Variants in SALL2 observed in about 807,000 individuals in gnomAD.
SALL2 encodes the protein sal-like protein 2.
SALL2 carries 32 observed loss-of-function variants against 58.5 expected under a neutral mutation model. The ratio of observed to expected loss-of-function variants is 0.55; its 90% CI spans 0.41 to 0.74. The LOEUF is 0.74. Among genes scored for constraint, SALL2 ranks in the 30% least tolerant of loss-of-function variants. The pLI is 0.00. For missense variants in SALL2, 1,201 were observed against 1,268.9 expected (o/e 0.95, Z 0.81); for synonymous variants, 516 against 513.6 (o/e 1.00, Z -0.06).
rs11621090 is a variant in SALL2, at chr14:21,523,146, C to T, written c.2576G>A (p.Gly859Glu). The change falls in exon 2 of 2, where the codon GGA becomes GAA. Residue 859 changes from glycine (G) to glutamate (E), a missense_variant. Transcript: ENST00000537235. This position sits in a 1 kb window ranked among gnomAD's most constrained non-coding sequence, Gnocchi z 4.4. ...CGGTTTGCCCCCCTCTTCCTTGCCT[C>T]CTAAAACACCACTGCTTCCCTGCTC... ...PMEQGSSGVLGGKEEGGKPER... is the reference protein window; with the variant it reads ...PMEQGSSGVLEGKEEGGKPER... 6.2e-7 allele frequency: 1 copy of T among 1,614,192 alleles called. No individual in the cohort carries two copies. The highest frequency in any genetic ancestry group is 1.7e-5 in the Admixed American group (1 of 60,022).
exon 1 of SALL2, chr14:21,537,058 TTCTTCTTTCCCAGAGACACAGACTC>T (rs2139688375): frequency 3.0e-6 from 2 of 675,878 alleles, no homozygotes; most frequent in South Asian, 3.5e-5. Flanking sequence ...AGCAGAGATG[TTCTTCTTTCCCAGAGACACAGACTC>T]TCTCTCTCTC....
chr14:21,533,944 G>A (rs1032638306), intron 1 of SALL2, among the ~76,000 whole-genome samples: 3 of 152,222 alleles, frequency 2.0e-5, no homozygotes, highest in Non-Finnish European at 2.9e-5. Flanking sequence ...GTACACCAAA[G>A]GATACATGTG....
upstream of SALL2, chr14:21,526,422 G>A (rs1892316904): frequency 1.5e-6 from 2 of 1,338,506 alleles, no homozygotes; most frequent in Non-Finnish European, 1.9e-6. Context: ...GGAGGCGGGA[G>A]AAGGGAGCGC....
At chr14:21,526,398 A>G (rs57808993), upstream of SALL2, 42 of 1,052,778 alleles carry the variant, frequency 4.0e-5, no homozygotes, top group South Asian at 3.5e-4. Flanking sequence ...CTGGGGAGGG[A>G]GGCGGGAGCT....
chr14:21,534,328 T>C (rs765047329), intron 1 of SALL2, among the ~76,000 whole-genome samples: 4 of 152,174 alleles, frequency 2.6e-5, no homozygotes, highest in African/African-American at 2.4e-5. Flanking sequence ...TTTCTTACGG[T>C]AGATCTTAAC....
rs752873725 is a variant in SALL2, at chr14:21,524,212, G to C, written c.1510C>G (p.Pro504Ala). 2 of 1,612,092 alleles carry C rather than the reference G, an allele frequency of 1.2e-6. No homozygotes were observed. The highest frequency in any genetic ancestry group is 3.3e-5 in the Admixed American group (2 of 59,884). ...SAGTATAPGL[P>A]AFNKFVLMKA... ...ATGAGCACAAACTTATTGAAAGCAG[G>C]GAGTCCTGGAGCCGTGGCTGTGCCT... is the stretch of plus-strand genomic sequence containing the variant. The change falls in exon 2 of 2, where the codon CCT (proline) becomes GCT (alanine). Residue 504 changes from proline (P) to alanine (A), a missense_variant. By Grantham distance (27) the Pro-to-Ala change is conservative. Around this residue, in one of 3 missense-constraint regions of SALL2, gnomAD observed 675 missense variants for 683.8 expected, o/e 0.99. Coordinates refer to ENST00000537235, the MANE Select transcript of SALL2 (RefSeq NM_001364564.1).
In SALL2 at chr14:21,522,839, G is replaced by A. The variant is rs1027795678; in HGVS notation, c.2883C>T (p.His961=). The change falls in exon 2 of 2, where the codon CAC becomes CAT. Residue 961 remains histidine (H), a synonymous_variant. Coordinates refer to ENST00000537235, the MANE Select transcript of SALL2 (RefSeq NM_001364564.1). The stretch of plus-strand genomic sequence containing the variant: ...GGGGGGCAAAGGGCTGTACCTGGTG[G>A]TGTGCCAGGAGCATATGCTTCTTGA... ...ATLKKHMLLA[H]HQVQPFAPHG... 1.9e-6 allele frequency: 3 copies of A among 1,610,602 alleles called. No homozygotes were observed. In the African/African-American group the frequency reaches 4.0e-5, roughly 22 times the overall value.
chr14:21,522,463 T>C lies in SALL2; in HGVS notation c.*241A>G, dbSNP rs1892077005. ...TGGAGAGGGTTCCCCTTGAGAAAGC[T>C]GCAGAGAATCTATGTTCCTCAGGTA... On this transcript the variant is annotated 3_prime_UTR_variant, in exon 2 of 2. Coordinates refer to ENST00000537235, the MANE Select transcript of SALL2 (RefSeq NM_001364564.1). 1.4e-6 allele frequency: 2 copies of C among 1,400,858 alleles called. No homozygotes were observed. The highest frequency in any genetic ancestry group is 2.9e-5 in the African/African-American group (2 of 69,320). 86.8% of individuals were successfully genotyped at this position (1,400,858 alleles called of 1,614,324 possible).
At chr14:21,536,394 A>C (rs1892596621) in intron 1 of SALL2, among the ~76,000 whole-genome samples, 1 of 152,052 alleles carries the variant, frequency 6.6e-6, no homozygotes, top group African/African-American at 2.4e-5. Context: ...CCCAACAATG[A>C]GAAACTTTTT....
chr14:21,535,816 GCCATA>G (rs1210064017), intron 1 of SALL2, among the ~76,000 whole-genome samples: 1 of 152,118 alleles, frequency 6.6e-6, no homozygotes, highest in African/African-American at 2.4e-5. Context: ...CACATATGGA[GCCATA>G]CCACTGACAA....
At chr14:21,535,283 G>T (rs1416484761) in intron 1 of SALL2, among the ~76,000 whole-genome samples, 10 of 151,158 alleles carry the variant, frequency 6.6e-5, no homozygotes, top group Admixed American at 1.3e-4. Context: ...AGGTGGAGCG[G>T]GCAGTGAGCC....
Position 21,521,848 on chromosome 14 carries a change from C to G in SALL2, c.*856G>C, listed in dbSNP as rs912463279. ...GTCTTGGCACACTGACCAGCCAAAACCTTTACCTTAATGTGACCATCAGGG... is the reference window on the plus strand; with the variant it reads ...GTCTTGGCACACTGACCAGCCAAAAGCTTTACCTTAATGTGACCATCAGGG... On this transcript the variant is annotated 3_prime_UTR_variant, in exon 2 of 2. Coordinates refer to ENST00000537235, the MANE Select transcript of SALL2 (RefSeq NM_001364564.1). 2.2e-5 allele frequency: 18 copies of G among 827,704 alleles called. No individual in the cohort carries two copies. The highest frequency in any genetic ancestry group is 2.9e-5 in the Non-Finnish European group (16 of 549,982). The allele number at this position is 827,704 out of a possible 1,614,324, so 51.3% of individuals were successfully genotyped here.
At position 21,524,010 on chromosome 14, in the gene SALL2, A is replaced by T. The variant is rs1892167020; in HGVS notation, c.1712T>A (p.Phe571Tyr). The change falls in exon 2 of 2, where the codon TTC (phenylalanine) becomes TAC (tyrosine). Residue 571 changes from phenylalanine to tyrosine, a missense_variant. Physicochemically the swap from Phe to Tyr is conservative, Grantham distance 22. Coordinates refer to ENST00000537235, the MANE Select transcript of SALL2 (RefSeq NM_001364564.1). ...GGGCTCTAGCACATAGGGGAAGGGG[A>T]AGCTGCCAGTGGACTTGAAGTGGTT... ...LTNHFKSTGS[F>Y]PFPYVLEPLG... 6.2e-7 allele frequency: 1 copy of T among 1,614,156 alleles called. No individual in the cohort carries two copies. Among genetic ancestry groups the T allele is most frequent in the Non-Finnish European group, 8.5e-7 (1 of 1,180,030 alleles).
At position 21,523,075 on chromosome 14, in the gene SALL2, C is replaced by T; in HGVS notation, c.2647G>A (p.Ala883Thr). 1 of 1,614,198 alleles carries T rather than the reference C, an allele frequency of 6.2e-7. No individual in the cohort carries two copies. Among genetic ancestry groups the T allele is most frequent in the Non-Finnish European group, 8.5e-7 (1 of 1,180,034 alleles). Residue 883 changes from alanine (A) to threonine (T), a missense_variant, in exon 2 of 2, where the codon GCC becomes ACC. Physicochemically the swap from Ala to Thr is moderately conservative, Grantham distance 58. This residue lies in a region of SALL2 where 675 missense variants were observed against 683.8 expected (regional missense o/e 0.99). Coordinates refer to ENST00000537235, the MANE Select transcript of SALL2 (RefSeq NM_001364564.1). This position sits in a 1 kb window ranked among gnomAD's most constrained non-coding sequence, Gnocchi z 4.4. ...PASALTPEGE[A>T]TSVTLVEELS... is the part of the protein sequence containing the mutation. ...TCCTCTACCAAGGTCACGCTGGTGG[C>T]TTCCCCTTCTGGGGTGAGTGCTGAT...
At chr14:21,534,809 A>T (rs1199418956) in intron 1 of SALL2, among the ~76,000 whole-genome samples, 1 of 152,118 alleles carries the variant, frequency 6.6e-6, no homozygotes, top group Non-Finnish European at 1.5e-5. Context: ...AATGTGTCTC[A>T]GGAGGGAAGG....
At chr14:21,529,119 A>T (rs1892395082), upstream of SALL2, among the ~76,000 whole-genome samples, 1 of 152,212 alleles carries the variant, frequency 6.6e-6, no homozygotes, top group Non-Finnish European at 1.5e-5. Flanking sequence ...TCCATTTCTC[A>T]GTACTTTGCA....
At chr14:21,530,633 C>T (rs914908004), upstream of SALL2, among the ~76,000 whole-genome samples, 3 of 152,160 alleles carry the variant, frequency 2.0e-5, no homozygotes, top group Non-Finnish European at 4.4e-5. Flanking sequence ...CTACAGAGTT[C>T]AAGCATCATC....
Position 21,524,080 on chromosome 14 carries a change from G to C in SALL2, c.1642C>G (p.Leu548Val). Reference protein sequence around the residue: ...AESSTATRMQLSKLVTSLPSW... With the variant: ...AESSTATRMQVSKLVTSLPSW... ...GGTAGTGAAGTCACCAACTTACTTA[G>C]TTGCATGCGAGTTGCCGTGCTACTT... The change falls in exon 2 of 2, where the codon CTA becomes GTA. Residue 548 changes from leucine (L) to valine (V), a missense_variant. Leu to Val is a conservative substitution (Grantham distance 32). Around this residue, in one of 3 missense-constraint regions of SALL2, gnomAD observed 675 missense variants for 683.8 expected, o/e 0.99. Coordinates refer to ENST00000537235, the MANE Select transcript of SALL2 (RefSeq NM_001364564.1). 6.2e-7 allele frequency: 1 copy of C among 1,614,184 alleles called. No homozygotes were observed.
intron 1 of SALL2, among the ~76,000 whole-genome samples, chr14:21,535,602 A>C (rs997769308): frequency 2.0e-5 from 3 of 152,218 alleles, no homozygotes; most frequent in African/African-American, 7.2e-5. Flanking sequence ...ACACATCTTT[A>C]TTTCACAGAT....
Sources: allele counts gnomAD v4.1 joint callset (sites outside exome capture counted in the v4.1 genomes callset), GRCh38; gene constraint gnomAD v4.1.1; regional missense constraint gnomAD v4.1.1; non-coding constraint Gnocchi (gnomAD v3.1); transcripts MANE v1.5; gene names NCBI Gene and HGNC (gene_info 2026-07-23, HGNC 2026-07-21).